Variants in ITFG1 observed in about 807,000 individuals in gnomAD.
The protein encoded by ITFG1 is integrin alpha FG-GAP repeat containing 1, also known as T-cell immunomodulatory protein.
Under a neutral mutation model 81.8 loss-of-function variants are expected in ITFG1, and 34 were observed. That is an observed-to-expected ratio of 0.42 (90% CI 0.32 to 0.55). The LOEUF is 0.55. Among genes scored for constraint, ITFG1 ranks in the 20% least tolerant of loss-of-function variants. The pLI is 0.17. For synonymous variants in ITFG1, 285 were observed against 270.6 expected, an observed-to-expected ratio of 1.05 and a Z score of -0.52; for missense variants, 672 against 755.4, an observed-to-expected ratio of 0.89 and a Z score of 1.29.
chr16:47,209,266 C>T (rs1385733794), intron 14 of ITFG1, among the ~76,000 whole-genome samples: 1 of 152,014 alleles, frequency 6.6e-6, no homozygotes, highest in East Asian at 1.9e-4. Flanking sequence ...TAAATCATAT[C>T]CCAAGTATTC....
At chr16:47,254,428 T>C (rs1360853606) in intron 12 of ITFG1, among the ~76,000 whole-genome samples, 1 of 152,120 alleles carries the variant, frequency 6.6e-6, no homozygotes, top group East Asian at 1.9e-4. Flanking sequence ...TGGAATATCT[T>C]ATCAATGTTA....
At chr16:47,368,035 C>A (rs1968199774) in intron 7 of ITFG1, among the ~76,000 whole-genome samples, 1 of 151,772 alleles carries the variant, frequency 6.6e-6, no homozygotes, top group South Asian at 2.1e-4. Flanking sequence ...GAGATGAAGA[C>A]CATCCTGGCT....
intron 5 of ITFG1, chr16:47,449,961 T>C (rs1969368453): frequency 6.6e-6 from 1 of 152,224 alleles, no homozygotes; most frequent in Non-Finnish European, 1.5e-5. Flanking sequence ...ATTAAAGATA[T>C]TCCAATTATT....
At position 47,412,569 on chromosome 16, in the gene ITFG1, C is replaced by T. The variant is rs1321587481; in HGVS notation, c.655+16235G>A. Among the ~76,000 whole-genome samples, 3 of 151,874 alleles carry T rather than the reference C, an allele frequency of 2.0e-5. No individual in the cohort carries two copies. The East Asian group carries it at 5.8e-4, about 29-fold the overall frequency. ...AATAGCAGGATATGGTGGTGTGTGCCTGTGGTCCCAGCTACTTGGGTGGCT... is the reference window on the plus strand; with the variant it reads ...AATAGCAGGATATGGTGGTGTGTGCTTGTGGTCCCAGCTACTTGGGTGGCT... On this transcript the variant is annotated intron_variant, in intron 6 of 17. Coordinates refer to ENST00000320640, the MANE Select transcript of ITFG1 (RefSeq NM_030790.5).
intron 14 of ITFG1, among the ~76,000 whole-genome samples, chr16:47,196,023 T>C (rs910329010): frequency 1.3e-5 from 2 of 152,218 alleles, no homozygotes; most frequent in African/African-American, 2.4e-5. Context: ...TTTTTTTCTT[T>C]TGGCATTACA....
At chr16:47,210,224 T>C (rs1965547228) in intron 14 of ITFG1, among the ~76,000 whole-genome samples, 1 of 152,182 alleles carries the variant, frequency 6.6e-6, no homozygotes, top group Non-Finnish European at 1.5e-5. Context: ...TGTCACTTTA[T>C]TTTTTTAGCC....
intron 14 of ITFG1, among the ~76,000 whole-genome samples, chr16:47,216,460 G>A (rs1055732599): frequency 4.0e-5 from 6 of 151,714 alleles, no homozygotes; most frequent in African/African-American, 7.3e-5. Context: ...CTTGGCCTCC[G>A]AAAGTGCTGG....
intron 17 of ITFG1, among the ~76,000 whole-genome samples, chr16:47,157,830 GGT>G (rs1205791750): frequency 2.6e-5 from 4 of 152,048 alleles, no homozygotes; most frequent in Non-Finnish European, 5.9e-5. Flanking sequence ...CCAGAGTGTA[GGT>G]GCAAAAAAAG....
chr16:47,207,690 G>A (rs930114908), intron 14 of ITFG1, among the ~76,000 whole-genome samples: 2 of 152,152 alleles, frequency 1.3e-5, no homozygotes, highest in Admixed American at 6.5e-5. Flanking sequence ...AGTAGATGCC[G>A]TCAGAGAGAG....
chr16:47,436,476 T>C (rs941910493), intron 5 of ITFG1, among the ~76,000 whole-genome samples: 2 of 152,146 alleles, frequency 1.3e-5, no homozygotes, highest in Non-Finnish European at 2.9e-5. Context: ...TGGAAACGCA[T>C]TTTTAAGAGT....
In ITFG1 at chr16:47,338,838, T is replaced by C. The variant is rs533720822; in HGVS notation, c.803-25015A>G. Among the ~76,000 whole-genome samples, 4 of 152,278 alleles carry C rather than the reference T, an allele frequency of 2.6e-5. No homozygotes were observed. The South Asian group carries it at 8.3e-4, about 32-fold the overall frequency. On this transcript the variant is annotated intron_variant, in intron 8 of 17. Transcript: ENST00000320640. ...CAAACAATCCAATTCTACTCTTCTA[T>C]TTTAAAATGTACAATTAATTATGGA...
At chr16:47,254,786 G>A in intron 12 of ITFG1, among the ~76,000 whole-genome samples, 1 of 152,064 alleles carries the variant, frequency 6.6e-6, no homozygotes, top group East Asian at 1.9e-4. Flanking sequence ...ATCTGTTCAG[G>A]TATGCACAGG....
intron 8 of ITFG1, among the ~76,000 whole-genome samples, chr16:47,357,558 T>C (rs1429844017): frequency 2.1e-5 from 3 of 141,356 alleles, no homozygotes; most frequent in African/African-American, 8.1e-5. Flanking sequence ...GAGCTTTCAG[T>C]GAGCTGAGAT....
intron 13 of ITFG1, among the ~76,000 whole-genome samples, chr16:47,222,158 A>G (rs1238953209): frequency 6.6e-6 from 1 of 151,204 alleles, no homozygotes; most frequent in Non-Finnish European, 1.5e-5. Context: ...TTGCTTTTCT[A>G]GTTCTTTTAA....
chr16:47,303,294 T>C (rs1307918026), intron 10 of ITFG1, among the ~76,000 whole-genome samples: 1 of 151,976 alleles, frequency 6.6e-6, no homozygotes, highest in African/African-American at 2.4e-5. Context: ...ACAATAATGC[T>C]GATTTATATT....
intron 8 of ITFG1, among the ~76,000 whole-genome samples, chr16:47,349,942 A>T (rs889671008): frequency 3.3e-5 from 5 of 152,230 alleles, no homozygotes; most frequent in Non-Finnish European, 7.3e-5. Context: ...AAACTGAACA[A>T]CCTGCTCCTG....
chr16:47,196,579 C>G (rs1026083423), intron 14 of ITFG1: 2 of 152,184 alleles, frequency 1.3e-5, no homozygotes, highest in African/African-American at 4.8e-5. Flanking sequence ...AATTCCCATT[C>G]AAGATTGGAA....
At chr16:47,256,790 C>T (rs1395818768) in intron 12 of ITFG1, among the ~76,000 whole-genome samples, 2 of 152,196 alleles carry the variant, frequency 1.3e-5, no homozygotes. Context: ...AATCTCAACA[C>T]TAATACGTTC....
intron 14 of ITFG1, among the ~76,000 whole-genome samples, chr16:47,166,757 G>C (rs1964893925): frequency 8.8e-4 from 1 of 1,140 alleles, no homozygotes; most frequent in African/African-American, 1.1e-3. Context: ...AAAAAAGAAT[G>C]CTTTAGTTTG....
Sources: allele counts gnomAD v4.1 joint callset (sites outside exome capture counted in the v4.1 genomes callset), GRCh38; gene constraint gnomAD v4.1.1; transcripts MANE v1.5; gene names NCBI Gene and HGNC (gene_info 2026-07-23, HGNC 2026-07-21).